Variants in PLCH1 observed in about 807,000 individuals in gnomAD.
PLCH1 encodes phospholipase C eta 1.
A neutral mutation model predicts 126.7 loss-of-function variants in PLCH1; 60 were observed. The ratio of observed to expected loss-of-function variants is 0.47; its 90% CI spans 0.38 to 0.59. The LOEUF (loss-of-function observed/expected upper bound fraction) is 0.59, where lower values mean the gene tolerates loss of function less well. Ranked by LOEUF, PLCH1 falls within the 20% of genes least tolerant of loss-of-function variation. The pLI is 0.00. For missense variants in PLCH1, 1,723 were observed against 2,040.0 expected (o/e 0.84, Z 2.99); for synonymous variants, 719 against 734.9 (o/e 0.98, Z 0.35).
intron 10 of PLCH1, among the ~76,000 whole-genome samples, chr3:155,524,328 T>G (rs6440998): frequency 0.57 from 86,741 of 152,036 alleles, 28,479 homozygotes; most frequent in Non-Finnish European, 0.75. Context: ...GAGTTGTTGC[T>G]GAATGGGTAT....
chr3:155,725,451 C>CT (rs34876965), intron 1 of PLCH1, among the ~76,000 whole-genome samples: 37,204 of 140,130 alleles, frequency 0.27, 5,427 homozygotes, highest in African/African-American at 0.37. Flanking sequence ...ATTTTAGACA[C>CT]TTTTTTTTTT....
intron 1 of PLCH1, 44 bp from the exon 2 acceptor site, chr3:155,704,308 G>T: frequency 2.0e-6 from 1 of 494,340 alleles, no homozygotes; most frequent in Non-Finnish European, 3.2e-6. Context: ...GAAAACGGCA[G>T]CCACACGCTC....
At chr3:155,602,900 C>A (rs989926531) in intron 2 of PLCH1, among the ~76,000 whole-genome samples, 7 of 152,172 alleles carry the variant, frequency 4.6e-5, no homozygotes, top group African/African-American at 1.4e-4. Flanking sequence ...TATATACCTG[C>A]ATATATTTCC....
chr3:155,516,949 A>G (rs1720417361), intron 11 of PLCH1, among the ~76,000 whole-genome samples: 1 of 152,050 alleles, frequency 6.6e-6, no homozygotes, highest in Non-Finnish European at 1.5e-5. Context: ...GCCTTGGGGA[A>G]TCGGGGGACA....
chr3:155,675,218 G>C (rs1743973039), intron 2 of PLCH1, among the ~76,000 whole-genome samples: 1 of 152,182 alleles, frequency 6.6e-6, no homozygotes, highest in African/African-American at 2.4e-5. Flanking sequence ...ATGGGATAAA[G>C]TTACATTTGA....
chr3:155,506,359 T>C (rs1718705260), intron 12 of PLCH1, among the ~76,000 whole-genome samples: 1 of 151,582 alleles, frequency 6.6e-6, no homozygotes, highest in South Asian at 2.1e-4. Flanking sequence ...TTTTTTTTTT[T>C]TTTTTATTAT....
At chr3:155,643,520 T>G (rs1254312077) in intron 2 of PLCH1, among the ~76,000 whole-genome samples, 1 of 152,208 alleles carries the variant, frequency 6.6e-6, no homozygotes, top group Non-Finnish European at 1.5e-5. Context: ...TTAGGGTAAT[T>G]TGTTGTCAGA....
chr3:155,692,468 AT>A (rs1745464423), intron 2 of PLCH1, among the ~76,000 whole-genome samples: 1 of 152,052 alleles, frequency 6.6e-6, no homozygotes, highest in African/African-American at 2.4e-5. Context: ...GAATGGATGG[AT>A]GGATGGATGG....
At chr3:155,531,625 C>T (rs1466793850) in intron 10 of PLCH1, among the ~76,000 whole-genome samples, 1 of 152,130 alleles carries the variant, frequency 6.6e-6, no homozygotes, top group East Asian at 1.9e-4. Flanking sequence ...ACTCCATCTC[C>T]AAAACCAAAA....
intron 10 of PLCH1, among the ~76,000 whole-genome samples, chr3:155,528,739 G>A (rs1423773518): frequency 1.3e-5 from 2 of 152,192 alleles, no homozygotes; most frequent in Non-Finnish European, 1.5e-5. Flanking sequence ...AAAGGAAAGT[G>A]TAACTGTGAT....
At chr3:155,617,052 C>T (rs3908143) in intron 2 of PLCH1, among the ~76,000 whole-genome samples, 73,718 of 151,724 alleles carry the variant, frequency 0.49, 20,271 homozygotes, top group African/African-American at 0.74. Flanking sequence ...TGGGTTATAT[C>T]CATATAAATG....
At chr3:155,665,711 TC>T in intron 2 of PLCH1, among the ~76,000 whole-genome samples, 1 of 152,326 alleles carries the variant, frequency 6.6e-6, no homozygotes, top group South Asian at 2.1e-4. Flanking sequence ...CAAAATATTT[TC>T]TTTATGTACC....
chr3:155,487,266 C>A (rs975042101), intron 21 of PLCH1: 1 of 152,160 alleles, frequency 6.6e-6, no homozygotes, highest in African/African-American at 2.4e-5. Flanking sequence ...TTATTTTTAT[C>A]CCACATTCAC....
chr3:155,506,444 T>C (rs1385603522), intron 12 of PLCH1, among the ~76,000 whole-genome samples: 1 of 151,404 alleles, frequency 6.6e-6, no homozygotes, highest in Non-Finnish European at 1.5e-5. Context: ...GCTGGTGCGC[T>C]GCACCCACTA....
intron 2 of PLCH1, among the ~76,000 whole-genome samples, chr3:155,664,342 G>T (rs764782263): frequency 6.6e-6 from 1 of 152,096 alleles, no homozygotes; most frequent in Non-Finnish European, 1.5e-5. Flanking sequence ...TCAACCCTTC[G>T]GTCAAGACTC....
chr3:155,593,030 G>A lies in PLCH1; in HGVS notation c.470+911C>T, dbSNP rs184212409. On this transcript the variant is annotated intron_variant, in intron 4 of 22. Coordinates refer to ENST00000460012, the MANE Select transcript of PLCH1 (RefSeq NM_014996.4). ...ATTCTTTTCCAGCAATACTCTGGGT[G>A]AAGGATTATAGCCAGAGCAGCACAA... Among the ~76,000 whole-genome samples, 162 of 152,272 alleles carry A rather than the reference G, an allele frequency of 1.1e-3. 1 individual carries two copies. Among genetic ancestry groups the A allele is most frequent in the Middle Eastern group, 3.4e-3 (1 of 294 alleles).
At chr3:155,540,122 C>G (rs573041994) in intron 10 of PLCH1, among the ~76,000 whole-genome samples, 1 of 152,150 alleles carries the variant, frequency 6.6e-6, no homozygotes, top group African/African-American at 2.4e-5. Context: ...ACAAAGCAAA[C>G]AAAAACATAA....
intron 9 of PLCH1, among the ~76,000 whole-genome samples, chr3:155,551,972 C>T (rs933086102): frequency 1.3e-5 from 2 of 152,206 alleles, no homozygotes; most frequent in Admixed American, 1.3e-4. Context: ...GGCAAAATTA[C>T]TTCACCCATT....
At chr3:155,453,464 CTG>C (rs1022909478) in intron 21 of PLCH1, among the ~76,000 whole-genome samples, 61 of 152,160 alleles carry the variant, frequency 4.0e-4, no homozygotes, top group African/African-American at 1.3e-3. Context: ...ATTTTTGAAA[CTG>C]TTTACCAAGT....
Sources: gnomAD v4.1 joint callset for allele counts (sites outside exome capture counted in the v4.1 genomes callset) on GRCh38, gnomAD v4.1.1 for gene constraint, MANE v1.5 for transcripts, NCBI Gene and HGNC (gene_info 2026-07-23, HGNC 2026-07-21) for gene names.